LGR5: variants seen among roughly 807,000 people sequenced by gnomAD.
LGR5 encodes the protein leucine rich repeat containing G protein-coupled receptor 5.
Under a neutral mutation model 76.7 loss-of-function variants are expected in LGR5, and 54 were observed. The ratio of observed to expected loss-of-function variants is 0.70; its 90% CI spans 0.57 to 0.88. LGR5 has a LOEUF of 0.88. Ranked by LOEUF, LGR5 falls within the 40% of genes least tolerant of loss-of-function variation. The pLI is 0.00. For missense variants in LGR5, 1,078 were observed against 1,073.3 expected (o/e 1.00, Z -0.06); for synonymous variants, 406 against 421.9 (o/e 0.96, Z 0.46).
At chr12:71,549,897 G>A (rs528263733) in intron 4 of LGR5, among the ~76,000 whole-genome samples, 20 of 152,272 alleles carry the variant, frequency 1.3e-4, no homozygotes, top group Non-Finnish European at 2.1e-4. Context: ...ATAGCAAATT[G>A]GTATAAGATA....
chr12:71,538,678 G>C (rs971039522), intron 4 of LGR5, among the ~76,000 whole-genome samples: 1 of 152,054 alleles, frequency 6.6e-6, no homozygotes, highest in South Asian at 2.1e-4. Flanking sequence ...GTGAGATGCT[G>C]TCTCTAAAAA....
intron 1 of LGR5, among the ~76,000 whole-genome samples, chr12:71,488,538 G>A (rs1873933042): frequency 6.6e-6 from 1 of 152,168 alleles, no homozygotes; most frequent in African/African-American, 2.4e-5. Context: ...TTGATCATCA[G>A]CAGATGGGTC....
Position 71,584,100 on chromosome 12 carries a change from C to T in LGR5, c.2090C>T (p.Ala697Val), listed in dbSNP as rs1879213557. ...LCALLALTMA[A>V]VPLLGGSKYG... Reference sequence around the variant, plus strand: ...GCCCTGCTGGCCTTGACCATGGCCGCAGTTCCCCTGCTGGGTGGCAGCAAG... The same window carrying T: ...GCCCTGCTGGCCTTGACCATGGCCGTAGTTCCCCTGCTGGGTGGCAGCAAG... The change falls in exon 18 of 18, where the codon GCA (alanine) becomes GTA (valine). Residue 697 changes from alanine (A) to valine (V), a missense_variant. Transcript: ENST00000266674. 3.1e-6 allele frequency: 5 copies of T among 1,614,216 alleles called. No homozygotes were observed. The highest frequency in any genetic ancestry group is 4.2e-6 in the Non-Finnish European group (5 of 1,180,042).
At chr12:71,574,722 G>A (rs1878773873) in intron 13 of LGR5, among the ~76,000 whole-genome samples, 1 of 152,064 alleles carries the variant, frequency 6.6e-6, no homozygotes. Context: ...CCAGGTCCCT[G>A]ACACACGAGC....
intron 1 of LGR5, among the ~76,000 whole-genome samples, chr12:71,488,346 A>T (rs1246855045): frequency 6.6e-6 from 1 of 152,242 alleles, no homozygotes; most frequent in Non-Finnish European, 1.5e-5. Context: ...TGACAAGCCC[A>T]AAAGTCTAAG....
chr12:71,474,083 G>A (rs1873217287), intron 1 of LGR5, among the ~76,000 whole-genome samples: 1 of 151,836 alleles, frequency 6.6e-6, no homozygotes, highest in Admixed American at 6.6e-5. Context: ...ATCCAGATAA[G>A]CTTTCTTATT....
rs767450175 is a variant in LGR5 at position 71,580,368 on chromosome 12, C to A, written c.1497C>A (p.Asp499Glu). The change falls in exon 16 of 18, where the codon GAC becomes GAA. Residue 499 changes from aspartate (D) to glutamate (E), a missense_variant. Asp to Glu is a conservative substitution (Grantham distance 45). Transcript: ENST00000266674. ...TTTCTAATCAATGGAATAAAGGTGACAACAGCAGTATGGACGACCTTCATA... is the reference window on the plus strand; with the variant it reads ...TTTCTAATCAATGGAATAAAGGTGAAAACAGCAGTATGGACGACCTTCATA... ...YKISNQWNKG[D>E]NSSMDDLHKK... 4 of 1,613,790 alleles carry A rather than the reference C, an allele frequency of 2.5e-6. No individual in the cohort carries two copies. The African/African-American group carries it at 5.3e-5, about 22-fold the overall frequency.
At chr12:71,514,567 CAA>C (rs11417758) in intron 2 of LGR5, among the ~76,000 whole-genome samples, 1 of 136,272 alleles carries the variant, frequency 7.3e-6, no homozygotes, top group Admixed American at 7.4e-5. Context: ...GACTCCCTCT[CAA>C]AAAAAAAAAA....
At chr12:71,498,750 G>A (rs1874450849) in intron 1 of LGR5, among the ~76,000 whole-genome samples, 1 of 152,206 alleles carries the variant, frequency 6.6e-6, no homozygotes, top group African/African-American at 2.4e-5. Flanking sequence ...TATGCTAAAG[G>A]GGAAGGGATC....
At chr12:71,516,501 G>A (rs369099323) in intron 2 of LGR5, among the ~76,000 whole-genome samples, 157 of 152,122 alleles carry the variant, frequency 1.0e-3, no homozygotes, top group African/African-American at 2.8e-3. Context: ...TCAAATGCCC[G>A]CTTCCATCCT....
intron 3 of LGR5, among the ~76,000 whole-genome samples, chr12:71,526,738 G>C (rs965396779): frequency 2.6e-5 from 4 of 152,168 alleles, no homozygotes; most frequent in African/African-American, 7.2e-5. Flanking sequence ...TGAAACTACA[G>C]AGGTTGGGGA....
intron 2 of LGR5, among the ~76,000 whole-genome samples, chr12:71,516,684 A>G (rs1875458842): frequency 6.6e-6 from 1 of 152,232 alleles, no homozygotes; most frequent in South Asian, 2.1e-4. Flanking sequence ...CAATTCAAAG[A>G]AAATTGTACA....
At chr12:71,515,715 C>T (rs1875402631) in intron 2 of LGR5, among the ~76,000 whole-genome samples, 1 of 152,162 alleles carries the variant, frequency 6.6e-6, no homozygotes. Context: ...ACTGTATGCC[C>T]TCTCACTCTC....
In LGR5 at chr12:71,584,000, T is replaced by A. The variant is rs1462833666; in HGVS notation, c.1990T>A (p.Phe664Ile). ...LLTLAALERG[F>I]SVKYSAKFET... ...TACTCTGGCAGCCCTGGAGCGTGGG[T>A]TCTCTGTGAAATATTCTGCAAAATT... The change falls in exon 18 of 18, where the codon TTC becomes ATC. Residue 664 changes from phenylalanine (F) to isoleucine (I), a missense_variant. Coordinates refer to ENST00000266674, the MANE Select transcript of LGR5 (RefSeq NM_003667.4). 3 of 1,614,030 alleles carry A rather than the reference T, an allele frequency of 1.9e-6. No homozygotes were observed. The African/African-American group carries it at 4.0e-5, about 22-fold the overall frequency.
At chr12:71,478,352 T>C (rs1304743963) in intron 1 of LGR5, among the ~76,000 whole-genome samples, 1 of 152,178 alleles carries the variant, frequency 6.6e-6, no homozygotes, top group Admixed American at 6.5e-5. Flanking sequence ...GGAAGGCAAA[T>C]AAATAAGCCA....
At chr12:71,501,953 G>A (rs558702256) in intron 1 of LGR5, among the ~76,000 whole-genome samples, 1 of 152,174 alleles carries the variant, frequency 6.6e-6, no homozygotes, top group South Asian at 2.1e-4. Flanking sequence ...TGTCCATTTT[G>A]AATTTTATTT....
At chr12:71,534,086 A>G (rs1042326523) in intron 3 of LGR5, among the ~76,000 whole-genome samples, 1 of 152,256 alleles carries the variant, frequency 6.6e-6, no homozygotes, top group African/African-American at 2.4e-5. Context: ...TTGCAACTTA[A>G]TAAGTAGAAA....
At chr12:71,522,595 C>G (rs980819201) in intron 2 of LGR5, among the ~76,000 whole-genome samples, 2 of 152,086 alleles carry the variant, frequency 1.3e-5, no homozygotes, top group Non-Finnish European at 2.9e-5. Context: ...AGCCAATTCA[C>G]TCTGCTGTTT....
intron 2 of LGR5, among the ~76,000 whole-genome samples, chr12:71,517,041 T>C (rs1875480880): frequency 6.6e-6 from 1 of 151,950 alleles, no homozygotes; most frequent in Non-Finnish European, 1.5e-5. Flanking sequence ...GTTATGTTGC[T>C]CTCTAGGGTT....
Sources: allele counts gnomAD v4.1 joint callset (sites outside exome capture counted in the v4.1 genomes callset), GRCh38; gene constraint gnomAD v4.1.1; transcripts MANE v1.5; gene names NCBI Gene and HGNC (gene_info 2026-07-23, HGNC 2026-07-21).